Variants in XIRP2 observed in about 807,000 individuals in gnomAD.
XIRP2 encodes the protein xin actin-binding repeat-containing protein 2.
A neutral mutation model predicts 277.0 loss-of-function variants in XIRP2; 236 were observed. The observed-to-expected ratio is 0.85, with a 90% CI of 0.77 to 0.95. The LOEUF is 0.95. Among genes scored for constraint, XIRP2 ranks in the 40% least tolerant of loss-of-function variants. The pLI is 0.00. For missense variants in XIRP2, 4,640 were observed against 4,157.5 expected, an observed-to-expected ratio of 1.12 and a Z score of -3.19; for synonymous variants, 1,490 against 1,416.5, an observed-to-expected ratio of 1.05 and a Z score of -1.17.
chr2:167,029,501 A>G (rs1688267972), intron 2 of XIRP2, among the ~76,000 whole-genome samples: 2 of 152,078 alleles, frequency 1.3e-5, no homozygotes, highest in Non-Finnish European at 2.9e-5. Context: ...TATGTGATGG[A>G]ATACGTTTAT....
At chr2:166,958,684 A>G (rs1320045406) in intron 2 of XIRP2, among the ~76,000 whole-genome samples, 1 of 151,788 alleles carries the variant, frequency 6.6e-6, no homozygotes, top group African/African-American at 2.4e-5. Flanking sequence ...AACTCAGTAA[A>G]TGTTGTGCTT....
At chr2:167,206,987 G>GT (rs772436678) in intron 3 of XIRP2, among the ~76,000 whole-genome samples, 3 of 151,914 alleles carry the variant, frequency 2.0e-5, no homozygotes, top group Non-Finnish European at 4.4e-5. Context: ...CTTCTGCATA[G>GT]TTTTTTTTCA....
chr2:166,912,831 A>G (rs988947711), intron 2 of XIRP2, among the ~76,000 whole-genome samples: 8 of 151,554 alleles, frequency 5.3e-5, no homozygotes, highest in Non-Finnish European at 5.9e-5. Flanking sequence ...AACAGTCAGG[A>G]CTCTCAGCTG....
intron 2 of XIRP2, among the ~76,000 whole-genome samples, chr2:167,012,053 T>G (rs190604330): frequency 6.6e-6 from 1 of 152,136 alleles, no homozygotes; most frequent in East Asian, 1.9e-4. Flanking sequence ...TTTGAAGGGT[T>G]TTTTCCTTCA....
chr2:167,122,258 T>C (rs1473334069), intron 2 of XIRP2, among the ~76,000 whole-genome samples: 3 of 152,206 alleles, frequency 2.0e-5, no homozygotes, highest in Non-Finnish European at 2.9e-5. Flanking sequence ...AGTTTTAACA[T>C]TGGACCCAAC....
chr2:166,994,491 T>A (rs866483981), intron 2 of XIRP2, among the ~76,000 whole-genome samples: 202 of 75,374 alleles, frequency 2.7e-3, no homozygotes, highest in Middle Eastern at 0.011. Flanking sequence ...AAAAAAAAAA[T>A]TAAAAAAAAA....
chr2:167,192,355 C>T (rs1234911684), intron 3 of XIRP2, among the ~76,000 whole-genome samples: 3 of 152,020 alleles, frequency 2.0e-5, no homozygotes, highest in Non-Finnish European at 4.4e-5. Flanking sequence ...ATATCTCTGT[C>T]GTTGATTTTG....
chr2:167,066,014 C>A (rs1441668697), intron 2 of XIRP2, among the ~76,000 whole-genome samples: 1 of 151,848 alleles, frequency 6.6e-6, no homozygotes, highest in African/African-American at 2.4e-5. Context: ...GAAACCATCA[C>A]CATCATTAAT....
chr2:167,080,717 A>C (rs1689705538), intron 2 of XIRP2, among the ~76,000 whole-genome samples: 1 of 152,234 alleles, frequency 6.6e-6, no homozygotes, highest in African/African-American at 2.4e-5. Context: ...TTGGAGTACT[A>C]GAATAAAATA....
chr2:167,199,035 A>G (rs11888928), intron 3 of XIRP2, among the ~76,000 whole-genome samples: 4,398 of 152,304 alleles, frequency 0.029, 97 homozygotes, highest in African/African-American at 0.053. Flanking sequence ...TATTCAAACA[A>G]GAAGTGTGAT....
Position 167,243,820 on chromosome 2 carries a change from T to A in XIRP2, c.2428T>A (p.Trp810Arg), listed in dbSNP as rs1284471736. The change falls in exon 9 of 11, where the codon TGG (tryptophan) becomes AGG (arginine). Residue 810 changes from tryptophan to arginine, a missense_variant. Transcript: ENST00000409195. ...NVKGGVSKAK[W>R]LFETQPLEKI... ...CAAAGGTGGGGTGAGTAAGGCAAAG[T>A]GGTTATTTGAAACCCAACCTTTGGA... 1 of 1,613,872 alleles carries A rather than the reference T, an allele frequency of 6.2e-7. No homozygotes were observed. The highest frequency in any genetic ancestry group is 8.5e-7 in the Non-Finnish European group (1 of 1,179,976).
In XIRP2 at chr2:166,984,964, G is replaced by T. The variant is rs368102827; in HGVS notation, c.408+81074G>T. On this transcript the variant is annotated intron_variant, in intron 2 of 10. Coordinates refer to ENST00000409195, the MANE Select transcript of XIRP2 (RefSeq NM_152381.6). ...CCTTACCTTTACCCACAAACCAAGT[G>T]TTTACATATAGTCTTACTTATTCTG... 2.5e-4 allele frequency among the ~76,000 whole-genome samples: 38 copies of T among 152,290 alleles called. 1 individual carries two copies. In the South Asian group the frequency reaches 7.9e-3, roughly 32 times the overall value.
rs1468412015 is a variant in XIRP2 at position 167,250,078 on chromosome 2, G to GA, written c.8691dup (p.Cys2898MetfsTer15). On this transcript the variant is annotated frameshift_variant, in exon 9 of 11. Transcript: ENST00000409195. LOFTEE classifies it high-confidence loss of function. ...CCAGCCATATAATAGTCTGCAGGAA[G>GA]AAAAATGTCTCGAAGTCAAGGGCAT... is the stretch of plus-strand genomic sequence containing the variant. 1 of 1,613,306 alleles carries GA rather than the reference G, an allele frequency of 6.2e-7. No homozygotes were observed. The highest frequency in any genetic ancestry group is 8.5e-7 in the Non-Finnish European group (1 of 1,179,636).
rs1353180354 is a variant in XIRP2, at chr2:167,081,935, C to T, written c.409-53974C>T. On this transcript the variant is annotated intron_variant, in intron 2 of 10. Transcript: ENST00000409195. ...GAATCATACACTTATATCCACTTAA[C>T]CATGTATTTTCTTTTTTTTTATTAT... 3.8e-5 allele frequency among the ~76,000 whole-genome samples: 4 copies of T among 105,082 alleles called. 1 individual carries two copies. The South Asian group carries it at 1.2e-3, about 30-fold the overall frequency. The allele number at this position is 105,082 out of a possible 152,430, so 68.9% of individuals were successfully genotyped here. A position where few individuals can be genotyped will look rare whatever the true frequency, so the allele number is the denominator to read the frequency against.
At position 167,251,471 on chromosome 2, in the gene XIRP2, C is replaced by G. The variant is rs371230410; in HGVS notation, c.10079C>G (p.Thr3360Arg). Residue 3360 changes from threonine to arginine, a missense_variant, in exon 9 of 11, where the codon ACA becomes AGA. By Grantham distance (71) the Thr-to-Arg change is moderately conservative (BLOSUM62 -1). Transcript: ENST00000409195. ...AGAAGAGTTTATGCAAAGGGAGAAA[C>G]AAACCATAACATACAACAAGAAAGT... is the stretch of plus-strand genomic sequence containing the variant. ...SNRRVYAKGE[T>R]NHNIQQESRT... 4.2e-5 allele frequency: 68 copies of G among 1,613,454 alleles called. No homozygotes were observed. The highest frequency in any genetic ancestry group is 5.5e-5 in the Non-Finnish European group (65 of 1,179,680).
intron 2 of XIRP2, among the ~76,000 whole-genome samples, chr2:167,004,870 A>G (rs189189924): frequency 8.6e-4 from 131 of 151,850 alleles, no homozygotes; most frequent in Non-Finnish European, 6.5e-4. Context: ...TCTCACAGAT[A>G]CAAGGCCTCT....
chr2:166,895,661 T>C (rs1267257037), intron 1 of XIRP2, among the ~76,000 whole-genome samples: 2 of 152,188 alleles, frequency 1.3e-5, no homozygotes, highest in African/African-American at 2.4e-5. Context: ...TAAAATTAAA[T>C]GAGTTTTGGA....
Position 167,249,542 on chromosome 2 carries a change from C to A in XIRP2, c.8150C>A (p.Thr2717Asn). ...NFKVKTIKLPTLDHTLNETDH... is the reference protein window; with the variant it reads ...NFKVKTIKLPNLDHTLNETDH... ...AAAGTTAAAACCATCAAACTTCCAA[C>A]TCTAGATCATACATTAAATGAAACA... The change falls in exon 9 of 11, where the codon ACT (threonine) becomes AAT (asparagine). Residue 2717 changes from threonine to asparagine, a missense_variant. Physicochemically the swap from Thr to Asn is moderately conservative, Grantham distance 65. Coordinates refer to ENST00000409195, the MANE Select transcript of XIRP2 (RefSeq NM_152381.6). 2 of 1,613,610 alleles carry A rather than the reference C, an allele frequency of 1.2e-6. No individual in the cohort carries two copies. The highest frequency in any genetic ancestry group is 8.5e-7 in the Non-Finnish European group (1 of 1,179,738).
At chr2:167,023,408 C>A (rs1688046258) in intron 2 of XIRP2, among the ~76,000 whole-genome samples, 3 of 151,824 alleles carry the variant, frequency 2.0e-5, no homozygotes, top group Non-Finnish European at 4.4e-5. Flanking sequence ...TGTAGGTTGC[C>A]TGTTCACTCT....
Sources: allele counts gnomAD v4.1 joint callset (sites outside exome capture counted in the v4.1 genomes callset), GRCh38; gene constraint gnomAD v4.1.1; transcripts MANE v1.5; gene names NCBI Gene and HGNC (gene_info 2026-07-23, HGNC 2026-07-21).